Variants in IQCN observed in about 807,000 individuals in gnomAD.
The protein encoded by IQCN is IQ domain-containing protein N.
In IQCN, 46 loss-of-function variants were observed where a neutral mutation model predicts 64.4. That is an observed-to-expected ratio of 0.71 (90% CI 0.56 to 0.91). The LOEUF is 0.91. Among genes scored for constraint, IQCN ranks in the 40% least tolerant of loss-of-function variants. The pLI, the probability that IQCN is intolerant of heterozygous loss-of-function variation, is 0.00. For missense variants in IQCN, 1,753 were observed against 1,857.4 expected, an observed-to-expected ratio of 0.94 and a Z score of 1.03; for synonymous variants, 733 against 775.6, an observed-to-expected ratio of 0.95 and a Z score of 0.91.
In IQCN at chr19:18,266,015, G is replaced by GT; in HGVS notation, c.1524dup (p.Arg509ThrfsTer41). 1 of 1,614,126 alleles carries GT rather than the reference G, an allele frequency of 6.2e-7. No homozygotes were observed. Among genetic ancestry groups the GT allele is most frequent in the Admixed American group, 1.7e-5 (1 of 60,018 alleles). On this transcript the variant is annotated frameshift_variant, in exon 3 of 4. Transcript: ENST00000392413. LOFTEE classifies it high-confidence loss of function. This position sits in a 1 kb window ranked among gnomAD's most constrained non-coding sequence, Gnocchi z 4.3. Reference sequence around the variant, plus strand: ...GTCTTGAGGATGGTGGCCACCGAGCGTAACTGGGCTGGGGTCTTGGTTATC... The same window carrying GT: ...GTCTTGAGGATGGTGGCCACCGAGCGTTAACTGGGCTGGGGTCTTGGTTATC...
rs947031984 is a variant in IQCN at position 18,266,299 on chromosome 19, G to A, written c.1241C>T (p.Thr414Ile). 3 of 1,613,516 alleles carry A rather than the reference G, an allele frequency of 1.9e-6. No individual in the cohort carries two copies. Among genetic ancestry groups the A allele is most frequent in the African/African-American group, 1.3e-5 (1 of 74,884 alleles). Residue 414 changes from threonine to isoleucine, a missense_variant, in exon 3 of 4, where the codon ACC (threonine) becomes ATC (isoleucine). Physicochemically the swap from Thr to Ile is moderately conservative, Grantham distance 89. Transcript: ENST00000392413. The surrounding 1 kb of genome is among the most constrained non-coding windows in gnomAD (Gnocchi z 4.3). ...QVHPTASRTG[T>I]PRQTCPATIT... ...GGTCGCAGGGCATGTCTGCCGTGGG[G>A]TGCCAGTTCTGGAGGCTGTGGGGTG...
chr19:18,264,920 C>T lies in IQCN; in HGVS notation c.2620G>A (p.Gly874Ser), dbSNP rs2148101399. 6.2e-7 allele frequency: 1 copy of T among 1,613,230 alleles called. No homozygotes were observed. The highest frequency in any genetic ancestry group is 1.7e-5 in the Admixed American group (1 of 60,008). ...GCACACAAGGAGGCCAGCAGGGAGC[C>T]TACCGTGTCCTCCTGGCAGGGCACC... ...QAVPCQEDTV[G>S]SLLASLCAEV... The change falls in exon 3 of 4, where the codon GGC becomes AGC. Residue 874 changes from glycine (G) to serine (S), a missense_variant. Physicochemically the swap from Gly to Ser is moderately conservative, Grantham distance 56. Coordinates refer to ENST00000392413, the MANE Select transcript of IQCN (RefSeq NM_001145304.2). This position sits in a 1 kb window ranked among gnomAD's most constrained non-coding sequence, Gnocchi z 4.3.
In IQCN at chr19:18,266,836, AG is replaced by A. The variant is rs748291022; in HGVS notation, c.703del (p.Leu235TrpfsTer17). On this transcript the variant is annotated frameshift_variant, in exon 3 of 4. Coordinates refer to ENST00000392413, the MANE Select transcript of IQCN (RefSeq NM_001145304.2). LOFTEE classifies it high-confidence loss of function. This position sits in a 1 kb window ranked among gnomAD's most constrained non-coding sequence, Gnocchi z 4.3. ...GACCGTCTGGTGTGGCAGGAAGGCC[AG>A]CCCCCGGACTCTGGCAGCATGAGGA... is the stretch of plus-strand genomic sequence containing the variant. Reference protein sequence around the residue: ...QGPHAARVRGLAFLPHQTVTI... With the variant: ...QGPHAARVRGXAFLPHQTVTI... 7 of 1,613,498 alleles carry A rather than the reference AG, an allele frequency of 4.3e-6. No individual in the cohort carries two copies. The African/African-American group carries it at 6.7e-5, about 15-fold the overall frequency.
Position 18,265,737 on chromosome 19 carries a change from C to T in IQCN, c.1803G>A (p.Leu601=). ...GVPRAAAELP[L]EAEKIKTGTQ... The stretch of plus-strand genomic sequence containing the variant: ...TGCCAGTCTTGATTTTCTCGGCTTC[C>T]AAAGGAAGCTCAGCTGCAGCCCTGG... The change falls in exon 3 of 4, where the codon TTG becomes TTA. Residue 601 remains leucine, a synonymous_variant. Coordinates refer to ENST00000392413, the MANE Select transcript of IQCN (RefSeq NM_001145304.2). The surrounding 1 kb of genome is among the most constrained non-coding windows in gnomAD (Gnocchi z 4.7). The T allele has an allele frequency of 6.2e-7, 1 of 1,614,172 alleles. No individual in the cohort carries two copies. The highest frequency in any genetic ancestry group is 8.5e-7 in the Non-Finnish European group (1 of 1,180,036).
At position 18,257,857 on chromosome 19, in the gene IQCN, T is replaced by C. The variant is rs762097343; in HGVS notation, c.3427A>G (p.Ile1143Val). Residue 1143 changes from isoleucine to valine, a missense_variant, in exon 4 of 4, where the codon ATC becomes GTC. Physicochemically the swap from Ile to Val is conservative, Grantham distance 29 (BLOSUM62 3). Coordinates refer to ENST00000392413, the MANE Select transcript of IQCN (RefSeq NM_001145304.2). The stretch of plus-strand genomic sequence containing the variant: ...CGGTAGCCGCGCCAAGTAGCTTGGA[T>C]GACCATGGCCCCCCGGTGCCACAGC... ...IRLWHRGAMV[I>V]QATWRGYRVR... 1 of 1,612,054 alleles carries C rather than the reference T, an allele frequency of 6.2e-7. No individual in the cohort carries two copies. Among genetic ancestry groups the C allele is most frequent in the Non-Finnish European group, 8.5e-7 (1 of 1,179,834 alleles).
intron 3 of IQCN, chr19:18,258,364 G>C (rs115258894): frequency 1.6e-5 from 11 of 684,538 alleles, no homozygotes; most frequent in South Asian, 1.5e-4. Flanking sequence ...GCACCACTTC[G>C]GGCTGAGGCC....
chr19:18,272,274 C>T (rs1969749623), intron 1 of IQCN, among the ~76,000 whole-genome samples: 1 of 151,804 alleles, frequency 6.6e-6, no homozygotes, highest in Non-Finnish European at 1.5e-5. Context: ...ATTACAGGCA[C>T]CTGCCACCAC....
rs780275711 is a variant in IQCN, at chr19:18,257,487, C to T, written c.3797G>A (p.Arg1266His). The change falls in exon 4 of 4, where the codon CGT becomes CAT. Residue 1266 changes from arginine to histidine, a missense_variant. Transcript: ENST00000392413. Reference sequence around the variant, plus strand: ...GCCCTGGCCCATGCCCTGCACCACACGGGTGGGCTGTGTGCGTCCACAGGT... The same window carrying T: ...GCCCTGGCCCATGCCCTGCACCACATGGGTGGGCTGTGTGCGTCCACAGGT... ...CHTCGRTQPT[R>H]VVQGMGQGTE... 5.5e-5 allele frequency: 88 copies of T among 1,608,276 alleles called. No homozygotes were observed. Among genetic ancestry groups the T allele is most frequent in the Middle Eastern group, 3.3e-4 (2 of 6,042 alleles).
chr19:18,272,702 C>T (rs1305298675), intron 1 of IQCN, among the ~76,000 whole-genome samples: 1 of 151,054 alleles, frequency 6.6e-6, no homozygotes, highest in African/African-American at 2.4e-5. Context: ...GCTCTGCCTC[C>T]CGGGTTCACG....
At chr19:18,258,267 G>A (rs1428909698) in intron 3 of IQCN, 161 bp from the exon 4 acceptor site, 4 of 783,520 alleles carry the variant, frequency 5.1e-6, no homozygotes, top group South Asian at 2.9e-5. Flanking sequence ...AACTCCCGGG[G>A]CCAGCGGAGG....
In IQCN at chr19:18,265,655, C is replaced by A; in HGVS notation, c.1885G>T (p.Ala629Ser). 6.2e-7 allele frequency: 1 copy of A among 1,614,106 alleles called. No individual in the cohort carries two copies. The highest frequency in any genetic ancestry group is 1.1e-5 in the South Asian group (1 of 91,084). Residue 629 changes from alanine to serine, a missense_variant, in exon 3 of 4, where the codon GCT becomes TCT. Ala to Ser is a moderately conservative substitution (Grantham distance 99). Transcript: ENST00000392413. The surrounding 1 kb of genome is among the most constrained non-coding windows in gnomAD (Gnocchi z 4.7). ...AFKTSVAVEMAGAPSWTKVAE... is the reference protein window; with the variant it reads ...AFKTSVAVEMSGAPSWTKVAE... ...ACTTTTGTCCAGGATGGAGCCCCAG[C>A]CATTTCCACTGCCACACTGGTCTTA...
At position 18,257,770 on chromosome 19, in the gene IQCN, C is replaced by A; in HGVS notation, c.3514G>T (p.Gly1172Cys). 1 of 1,611,030 alleles carries A rather than the reference C, an allele frequency of 6.2e-7. No homozygotes were observed. The highest frequency in any genetic ancestry group is 1.1e-5 in the South Asian group (1 of 90,956). ...GCTTGGTCCCGGCGGGTGCTGTAGC[C>A]GCGCCAGGCAGACTGGATGGTCGTG... ...ATTTIQSAWR[G>C]YSTRRDQARH... The change falls in exon 4 of 4, where the codon GGC becomes TGC. Residue 1172 changes from glycine to cysteine, a missense_variant. Gly to Cys is a radical substitution (Grantham distance 159). Coordinates refer to ENST00000392413, the MANE Select transcript of IQCN (RefSeq NM_001145304.2).
rs371368995 is a variant in IQCN, at chr19:18,266,976, C to T, written c.564G>A (p.Val188=). Residue 188 remains valine, a synonymous_variant, in exon 3 of 4, where the codon GTG becomes GTA. Transcript: ENST00000392413. This position sits in a 1 kb window ranked among gnomAD's most constrained non-coding sequence, Gnocchi z 4.3. ...AGGAAGGGAACTGGGTCTCCTTGTT[C>T]ACCATGATGGGCGGGGACAGAAGGC... ...ENRLLSPPIM[V]NKETQFPSCD... is the part of the protein sequence containing the mutation. 1 of 1,613,894 alleles carries T rather than the reference C, an allele frequency of 6.2e-7. No homozygotes were observed. Among genetic ancestry groups the T allele is most frequent in the South Asian group, 1.1e-5 (1 of 91,076 alleles).
At position 18,265,108 on chromosome 19, in the gene IQCN, T is replaced by C. The variant is rs757616379; in HGVS notation, c.2432A>G (p.His811Arg). Residue 811 changes from histidine to arginine, a missense_variant, in exon 3 of 4, where the codon CAC (histidine) becomes CGC (arginine). Physicochemically the swap from His to Arg is conservative, Grantham distance 29 (BLOSUM62 0). Coordinates refer to ENST00000392413, the MANE Select transcript of IQCN (RefSeq NM_001145304.2). The surrounding 1 kb of genome is among the most constrained non-coding windows in gnomAD (Gnocchi z 4.7). ...DRQTQPQPHG[H>R]VPGKTTQGGP... is the part of the protein sequence containing the mutation. The stretch of plus-strand genomic sequence containing the variant: ...CCCCTGAGTGGTCTTCCCCGGCACG[T>C]GTCCGTGGGGCTGTGGCTGGGTCTG... 1.4e-5 allele frequency: 22 copies of C among 1,603,540 alleles called. 1 individual carries two copies. Among genetic ancestry groups the C allele is most frequent in the Middle Eastern group, 1.6e-4 (1 of 6,084 alleles).
At chr19:18,260,919 C>T (rs1969412900) in intron 3 of IQCN, 1 of 152,224 alleles carries the variant, frequency 6.6e-6, no homozygotes, top group Non-Finnish European at 1.5e-5. Context: ...GGATACACCA[C>T]AGGCCATAGG....
intron 3 of IQCN, chr19:18,260,873 C>T (rs2148094904): frequency 6.6e-6 from 1 of 152,626 alleles, no homozygotes; most frequent in East Asian, 1.9e-4. Flanking sequence ...GCCTTGAAGA[C>T]ATCCCTGTGG....
intron 2 of IQCN, among the ~76,000 whole-genome samples, chr19:18,268,330 T>C (rs1265147218): frequency 6.6e-6 from 1 of 151,622 alleles, no homozygotes; most frequent in Non-Finnish European, 1.5e-5. Context: ...TCATAGAGCT[T>C]GGTTCCAAGC....
Position 18,266,466 on chromosome 19 carries a change from C to A in IQCN, c.1074G>T (p.Thr358=). Residue 358 remains threonine, a synonymous_variant, in exon 3 of 4, where the codon ACG becomes ACT. Transcript: ENST00000392413. The surrounding 1 kb of genome is among the most constrained non-coding windows in gnomAD (Gnocchi z 4.3). ...TAGTCTTGGGTGGGGTGGTGGTCAT[C>A]GTGGACGCTGGATATGTCTGTGGCA... ...VTLPQTYPAS[T]MTTTPPKTSP... is the part of the protein sequence containing the mutation. The A allele has an allele frequency of 6.3e-7, 1 of 1,583,390 alleles. No homozygotes were observed. The highest frequency in any genetic ancestry group is 1.2e-5 in the South Asian group (1 of 85,998).
rs1969610798 is a variant in IQCN, at chr19:18,266,994, C to G, written c.546G>C (p.Leu182=). ...CCTTGTTCACCATGATGGGCGGGGA[C>G]AGAAGGCGGTTCTCTTCCGGATGCT... ...RFQHPEENRL[L]SPPIMVNKET... is the part of the protein sequence containing the mutation. Residue 182 remains leucine, a synonymous_variant, in exon 3 of 4, where the codon CTG becomes CTC. Transcript: ENST00000392413. This position sits in a 1 kb window ranked among gnomAD's most constrained non-coding sequence, Gnocchi z 4.3. The G allele has an allele frequency of 6.2e-7, 1 of 1,614,044 alleles. No homozygotes were observed. Among genetic ancestry groups the G allele is most frequent in the African/African-American group, 1.3e-5 (1 of 74,924 alleles).
Sources: allele counts gnomAD v4.1 joint callset (sites outside exome capture counted in the v4.1 genomes callset), GRCh38; gene constraint gnomAD v4.1.1; non-coding constraint Gnocchi (gnomAD v3.1); transcripts MANE v1.5; gene names NCBI Gene and HGNC (gene_info 2026-07-23, HGNC 2026-07-21).